Variants in KIF1C observed in about 807,000 individuals in gnomAD.
The protein encoded by KIF1C is kinesin-like protein KIF1C.
KIF1C carries 61 observed loss-of-function variants against 126.5 expected under a neutral mutation model. That is an observed-to-expected ratio of 0.48 (90% confidence interval 0.39 to 0.60). The LOEUF (loss-of-function observed/expected upper bound fraction) is 0.60. Ranked by LOEUF, KIF1C falls within the 20% of genes least tolerant of loss-of-function variation. The pLI, the probability that KIF1C is intolerant of heterozygous loss-of-function variation, is 0.00. For synonymous variants in KIF1C, 640 were observed against 580.6 expected (o/e 1.10, Z -1.47); for missense variants, 1,315 against 1,489.2 (o/e 0.88, Z 1.93).
Position 5,007,327 on chromosome 17 carries a change from C to G in KIF1C, c.1400C>G (p.Ala467Gly). 6.2e-7 allele frequency: 1 copy of G among 1,613,550 alleles called. No homozygotes were observed. The highest frequency in any genetic ancestry group is 1.1e-5 in the South Asian group (1 of 91,048). The change falls in exon 15 of 23, where the codon GCC (alanine) becomes GGC (glycine). Residue 467 changes from alanine (A) to glycine (G), a missense_variant. Coordinates refer to ENST00000320785, the MANE Select transcript of KIF1C (RefSeq NM_006612.6). ...GAGGAGAAGCTACGCAAGACAGAAGCCCTGAGGATGGAGAGGTGTGAGGGC... is the reference window on the plus strand; with the variant it reads ...GAGGAGAAGCTACGCAAGACAGAAGGCCTGAGGATGGAGAGGTGTGAGGGC... ...TWEEKLRKTE[A>G]LRMEREALLA... is the part of the protein sequence containing the mutation.
chr17:4,998,302 C>G (rs1974442819), intron 1 of KIF1C, 146 bp downstream of exon 1: 1 of 151,594 alleles, frequency 6.6e-6, no homozygotes, highest in Non-Finnish European at 1.5e-5. Flanking sequence ...AGAGAGGTGC[C>G]AGGCCCGGGC....
At position 5,007,283 on chromosome 17, in the gene KIF1C, T is replaced by C. The variant is rs781761447; in HGVS notation, c.1356T>C (p.Ala452=). Residue 452 remains alanine, a synonymous_variant, in exon 15 of 23, where the codon GCT becomes GCC. Transcript: ENST00000320785. ...CCCAGGAGACAGAGAAGATTATAGCTGAGCTGAACGAGACATGGGAGGAGA... is the reference window on the plus strand; with the variant it reads ...CCCAGGAGACAGAGAAGATTATAGCCGAGCTGAACGAGACATGGGAGGAGA... The part of the protein sequence containing the change: ...ERLQETEKII[A]ELNETWEEKL... 10 of 1,610,688 alleles carry C rather than the reference T, an allele frequency of 6.2e-6. No individual in the cohort carries two copies. The highest frequency in any genetic ancestry group is 1.1e-5 in the South Asian group (1 of 90,692).
intron 16 of KIF1C, among the ~76,000 whole-genome samples, chr17:5,010,413 T>C (rs1048646657): frequency 1.3e-5 from 2 of 152,184 alleles, no homozygotes; most frequent in Non-Finnish European, 2.9e-5. Context: ...GTAGAGCAGA[T>C]TCCTAGAAAT....
At chr17:5,001,553 C>T in intron 5 of KIF1C, 152 bp downstream of exon 5, 2 of 780,798 alleles carry the variant, frequency 2.6e-6, no homozygotes, top group Non-Finnish European at 4.0e-6. Context: ...AGCTGGACAA[C>T]CCTCTGGGGT....
Position 5,022,249 on chromosome 17 carries a change from G to A in KIF1C, c.2168G>A (p.Arg723His), listed in dbSNP as rs139701770. 1.2e-5 allele frequency: 20 copies of A among 1,614,108 alleles called. No individual in the cohort carries two copies. Among genetic ancestry groups the A allele is most frequent in the African/African-American group, 2.7e-5 (2 of 75,062 alleles). ...AGCAGTGGCAAGCGCAGGGCCCCTC[G>A]CAGGGTTTATCAGATCCCCCAGCGA... ...LPSSGKRRAP[R>H]RVYQIPQRRR... Residue 723 changes from arginine to histidine, a missense_variant, in exon 22 of 23, where the codon CGC (arginine) becomes CAC (histidine). Around this residue, in one of 2 missense-constraint regions of KIF1C, gnomAD observed 874 missense variants for 1,053.2 expected, o/e 0.83. Coordinates refer to ENST00000320785, the MANE Select transcript of KIF1C (RefSeq NM_006612.6). The surrounding 1 kb of genome is among the most constrained non-coding windows in gnomAD (Gnocchi z 4.9).
rs2143306363 is a variant in KIF1C, at chr17:5,000,767, C to T, written c.107-5C>T. 7.4e-6 allele frequency: 12 copies of T among 1,613,926 alleles called. No individual in the cohort carries two copies. Among genetic ancestry groups the T allele is most frequent in the Non-Finnish European group, 1.0e-5 (12 of 1,179,870 alleles). On this transcript the variant is annotated splice_polypyrimidine_tract_variant and splice_region_variant and intron_variant, in intron 3 of 22. Coordinates refer to ENST00000320785, the MANE Select transcript of KIF1C (RefSeq NM_006612.6). ...TTCCTTCCTTTACCCTCTCCTGCCCCTCAGCCATCATCAATCCTAAACAGA... is the reference window on the plus strand; with the variant it reads ...TTCCTTCCTTTACCCTCTCCTGCCCTTCAGCCATCATCAATCCTAAACAGA...
At position 5,000,868 on chromosome 17, in the gene KIF1C, GA is replaced by G. The variant is rs748336399; in HGVS notation, c.183+22del. 8 of 1,608,556 alleles carry G rather than the reference GA, an allele frequency of 5.0e-6. No homozygotes were observed. The highest frequency in any genetic ancestry group is 6.0e-6 in the Non-Finnish European group (7 of 1,175,028). ...ACTTCGGTGGGTTGTTGGGCTGGGGGAAGAGCAAGGCAGTGAGAGACAGAGG... is the reference window on the plus strand; with the variant it reads ...ACTTCGGTGGGTTGTTGGGCTGGGGGAGAGCAAGGCAGTGAGAGACAGAGG... On this transcript the variant is annotated intron_variant, in intron 4 of 22. Transcript: ENST00000320785.
chr17:5,001,832 A>G lies in KIF1C; in HGVS notation c.364-227A>G, dbSNP rs2240289. Among the ~76,000 whole-genome samples the G allele has an allele frequency of 0.18, 27,615 of 152,164 alleles. 2,673 individuals are homozygous for G. Among genetic ancestry groups the G allele is most frequent in the East Asian group, 0.25 (1,295 of 5,182 alleles). ...CCTGGCACACGGGCTTGGGAGTCAG[A>G]ACTCCTGGGGTTTGCACCCTGGCTG... On this transcript the variant is annotated intron_variant, in intron 5 of 22. Transcript: ENST00000320785.
intron 18 of KIF1C, 33 bp downstream of exon 18, chr17:5,014,870 G>A (rs913130760): frequency 3.8e-5 from 57 of 1,513,232 alleles, no homozygotes; most frequent in Non-Finnish European, 5.1e-5. Flanking sequence ...AGGCCAGACA[G>A]GGAGAGAGGC....
intron 4 of KIF1C, 37 bp from the exon 5 acceptor site, chr17:5,001,185 G>T (rs778053712): frequency 1.2e-6 from 2 of 1,600,046 alleles, no homozygotes; most frequent in Admixed American, 3.3e-5. Context: ...AGACATCCAG[G>T]GTTACTCTGT....
chr17:5,004,085 T>G lies in KIF1C; in HGVS notation c.940+12T>G. 1 of 1,580,656 alleles carries G rather than the reference T, an allele frequency of 6.3e-7. No individual in the cohort carries two copies. The highest frequency in any genetic ancestry group is 8.7e-7 in the Non-Finnish European group (1 of 1,150,198). ...CAAGGAAAATTTGGGTGAGGGCCTC[T>G]TCCTCTTTCTCTGCCGACCCTGACA... is the stretch of plus-strand genomic sequence containing the variant. On this transcript the variant is annotated intron_variant, in intron 11 of 22. Transcript: ENST00000320785.
intron 18 of KIF1C, 70 bp downstream of exon 18, chr17:5,014,907 T>C: frequency 3.0e-6 from 4 of 1,318,998 alleles, no homozygotes; most frequent in Non-Finnish European, 4.2e-6. Context: ...CACACTGAAC[T>C]CAGAGGTCTG....
chr17:5,002,700 A>G lies in KIF1C; in HGVS notation c.609-31A>G, dbSNP rs371912486. On this transcript the variant is annotated intron_variant, in intron 7 of 22. Transcript: ENST00000320785. ...GGCCAGGGTTGGGAAGGTGAGAGGCAGGATCCAGTGACTGCTTTCTTTACC... is the reference window on the plus strand; with the variant it reads ...GGCCAGGGTTGGGAAGGTGAGAGGCGGGATCCAGTGACTGCTTTCTTTACC... 9.3e-6 allele frequency: 15 copies of G among 1,612,458 alleles called. No individual in the cohort carries two copies. In the Admixed American group the frequency reaches 2.3e-4, roughly 25 times the overall value.
At chr17:5,004,821 C>G in intron 12 of KIF1C, 34 bp from the exon 13 acceptor site, 1 of 1,613,886 alleles carries the variant, frequency 6.2e-7, no homozygotes, top group Non-Finnish European at 8.5e-7. Context: ...CCCCTGCCCC[C>G]AGGCCTCACC....
intron 13 of KIF1C, 54 bp downstream of exon 13, chr17:5,005,054 C>G (rs1222682799): frequency 1.9e-6 from 3 of 1,609,796 alleles, no homozygotes; most frequent in African/African-American, 2.7e-5. Context: ...CACCCCATCC[C>G]TCCTCACTTG....
Position 5,013,690 on chromosome 17 carries a change from T to C in KIF1C, c.1529T>C (p.Met510Thr). The C allele has an allele frequency of 6.2e-7, 1 of 1,613,836 alleles. No homozygotes were observed. The highest frequency in any genetic ancestry group is 8.5e-7 in the Non-Finnish European group (1 of 1,179,776). The change falls in exon 17 of 23, where the codon ATG becomes ACG. Residue 510 changes from methionine to threonine, a missense_variant. By Grantham distance (81) the Met-to-Thr change is moderately conservative. This residue lies in a region of KIF1C where 874 missense variants were observed against 1,053.2 expected (regional missense o/e 0.83). Coordinates refer to ENST00000320785, the MANE Select transcript of KIF1C (RefSeq NM_006612.6). ...HLVNLNEDPL[M>T]SECLLYHIKD... Reference sequence around the variant, plus strand: ...GTGAACCTGAACGAAGACCCTCTGATGTCTGAGTGTCTGCTCTACCACATC... The same window carrying C: ...GTGAACCTGAACGAAGACCCTCTGACGTCTGAGTGTCTGCTCTACCACATC...
At position 5,007,535 on chromosome 17, in the gene KIF1C, C is replaced by T; in HGVS notation, c.1484C>T (p.Pro495Leu). 6.4e-7 allele frequency: 1 copy of T among 1,552,088 alleles called. No homozygotes were observed. Among genetic ancestry groups the T allele is most frequent in the Non-Finnish European group, 8.7e-7 (1 of 1,150,822 alleles). Residue 495 changes from proline (P) to leucine (L), a missense_variant, in exon 16 of 23, where the codon CCA becomes CTA. Coordinates refer to ENST00000320785, the MANE Select transcript of KIF1C (RefSeq NM_006612.6). Reference sequence around the variant, plus strand: ...GGGGGAACTGTGGGCGTCTTCTCTCCAAAGAAGGTGAGTGAGGAATCGAGC... The same window carrying T: ...GGGGGAACTGTGGGCGTCTTCTCTCTAAAGAAGGTGAGTGAGGAATCGAGC... The part of the protein sequence containing the change: ...EDGGTVGVFS[P>L]KKTPHLVNLN...
chr17:5,023,211 G>A lies in KIF1C; in HGVS notation c.2629-257G>A, dbSNP rs1313817699. 6.6e-6 allele frequency among the ~76,000 whole-genome samples: 1 copy of A among 152,064 alleles called. No individual in the cohort carries two copies. The highest frequency in any genetic ancestry group is 2.4e-5 in the African/African-American group (1 of 41,372). Reference sequence around the variant, plus strand: ...TTTTTTTTGTATTTTAGTAGAGACGGGGTTTCACCATGTTGGCCAGGATGG... The same window carrying A: ...TTTTTTTTGTATTTTAGTAGAGACGAGGTTTCACCATGTTGGCCAGGATGG... On this transcript the variant is annotated intron_variant, in intron 22 of 22. Transcript: ENST00000320785. This position sits in a 1 kb window ranked among gnomAD's most constrained non-coding sequence, Gnocchi z 4.2.
At chr17:5,007,780 C>T (rs1267186402) in intron 16 of KIF1C, among the ~76,000 whole-genome samples, 2 of 152,100 alleles carry the variant, frequency 1.3e-5, no homozygotes, top group African/African-American at 4.8e-5. Flanking sequence ...CCTGGGAAAT[C>T]GGAGGTTGGT....
Sources: allele counts gnomAD v4.1 joint callset (sites outside exome capture counted in the v4.1 genomes callset), GRCh38; gene constraint gnomAD v4.1.1; regional missense constraint gnomAD v4.1.1; non-coding constraint Gnocchi (gnomAD v3.1); transcripts MANE v1.5; gene names NCBI Gene and HGNC (gene_info 2026-07-23, HGNC 2026-07-21).